GALNT17: variants seen among roughly 807,000 people sequenced by gnomAD.
GALNT17 encodes UDP-GalNAc:polypeptide N-acetylgalactosaminyltransferase-like 3.
Under a neutral mutation model 63.7 loss-of-function variants are expected in GALNT17, and 29 were observed. That is an observed-to-expected ratio of 0.46 (90% CI 0.34 to 0.62). The LOEUF is 0.62. Ranked by LOEUF, GALNT17 falls within the 20% of genes least tolerant of loss-of-function variation. The probability of loss-of-function intolerance (pLI) is 0.01; values close to 1 mark genes in which losing one functional copy is unlikely to be tolerated. For synonymous variants in GALNT17, 305 were observed against 318.3 expected, an observed-to-expected ratio of 0.96 and a Z score of 0.45; for missense variants, 603 against 799.6, an observed-to-expected ratio of 0.75 and a Z score of 2.97.
intron 1 of GALNT17, among the ~76,000 whole-genome samples, chr7:71,148,842 A>G (rs1788074053): frequency 7.3e-6 from 1 of 136,244 alleles, no homozygotes; most frequent in Non-Finnish European, 1.5e-5. Flanking sequence ...GATGAAATAC[A>G]GTAGTATTAT....
intron 1 of GALNT17, among the ~76,000 whole-genome samples, chr7:71,223,195 T>C (rs1789618913): frequency 6.6e-6 from 1 of 152,210 alleles, no homozygotes; most frequent in African/African-American, 2.4e-5. Flanking sequence ...TAATTTTTTT[T>C]CTCTTAAACT....
chr7:71,272,227 A>G (rs1355405644), intron 1 of GALNT17, among the ~76,000 whole-genome samples: 1 of 152,172 alleles, frequency 6.6e-6, no homozygotes, highest in Admixed American at 6.5e-5. Flanking sequence ...TTTCCGAAGT[A>G]TGGATGGACA....
At position 71,286,751 on chromosome 7, in the gene GALNT17, GTT is replaced by G. The variant is rs71089931; in HGVS notation, c.239-48789_239-48788del. ...TATCTCCTAGAGGGGCCTTGTTTTTGTTTTTTTTTTTCTTTTTTTGTTTGTTA... is the reference window on the plus strand; with the variant it reads ...TATCTCCTAGAGGGGCCTTGTTTTTGTTTTTTTTTCTTTTTTTGTTTGTTA... On this transcript the variant is annotated intron_variant, in intron 1 of 10. Transcript: ENST00000333538. 1.7e-3 allele frequency among the ~76,000 whole-genome samples: 250 copies of G among 148,702 alleles called. 1 individual carries two copies. Among genetic ancestry groups the G allele is most frequent in the Non-Finnish European group, 2.6e-3 (176 of 67,092 alleles).
intron 6 of GALNT17, among the ~76,000 whole-genome samples, chr7:71,614,836 A>C (rs1379334678): frequency 6.9e-6 from 1 of 145,684 alleles, no homozygotes; most frequent in African/African-American, 2.5e-5. Flanking sequence ...TGAAAGAAAC[A>C]AAGAGGAGAG....
At chr7:71,232,402 G>A (rs767361122) in intron 1 of GALNT17, among the ~76,000 whole-genome samples, 2 of 152,152 alleles carry the variant, frequency 1.3e-5, no homozygotes, top group Non-Finnish European at 2.9e-5. Flanking sequence ...TACTGCCACT[G>A]ACCATTCCAG....
chr7:71,357,577 T>C (rs943884793), intron 2 of GALNT17, among the ~76,000 whole-genome samples: 2 of 152,210 alleles, frequency 1.3e-5, no homozygotes, highest in Non-Finnish European at 2.9e-5. Flanking sequence ...TTTTTAACTT[T>C]CTTCTCTCCC....
At chr7:71,274,961 G>C (rs945409818) in intron 1 of GALNT17, among the ~76,000 whole-genome samples, 2 of 152,208 alleles carry the variant, frequency 1.3e-5, no homozygotes, top group African/African-American at 4.8e-5. Context: ...GGTCGAAAGG[G>C]GAGCAGACCA....
chr7:71,203,946 TG>T (rs1346332414), intron 1 of GALNT17, among the ~76,000 whole-genome samples: 2 of 152,198 alleles, frequency 1.3e-5, no homozygotes, highest in African/African-American at 4.8e-5. Flanking sequence ...TGTTGATTTT[TG>T]CTTTTGTTGT....
chr7:71,534,528 G>A (rs555822905), intron 5 of GALNT17, among the ~76,000 whole-genome samples: 16 of 150,520 alleles, frequency 1.1e-4, no homozygotes, highest in African/African-American at 3.9e-4. Flanking sequence ...GAACCCAGGA[G>A]GCAGAATTTG....
chr7:71,659,940 C>T (rs6978051), intron 6 of GALNT17, among the ~76,000 whole-genome samples: 87,655 of 152,002 alleles, frequency 0.58, 25,936 homozygotes, highest in East Asian at 0.73. Flanking sequence ...TGGCCACATC[C>T]TCGTGTTACA....
chr7:71,499,592 ATTCCAGGGAAATGCT>A (rs1788148355), intron 5 of GALNT17, among the ~76,000 whole-genome samples: 2 of 152,190 alleles, frequency 1.3e-5, no homozygotes, highest in Non-Finnish European at 2.9e-5. Flanking sequence ...TGCTCCAAAG[ATTCCAGGGAAATGCT>A]TCCTTACACT....
intron 5 of GALNT17, among the ~76,000 whole-genome samples, chr7:71,539,925 T>TGGCACTTCCAAGTAGCC (rs1254761616): frequency 3.3e-5 from 5 of 151,152 alleles, no homozygotes; most frequent in South Asian, 2.1e-4. Context: ...TCCAAGTAGC[T>TGGCACTTCCAAGTAGCC]GGCACTTCCA....
chr7:71,258,010 C>T (rs994981345), intron 1 of GALNT17, among the ~76,000 whole-genome samples: 6 of 152,158 alleles, frequency 3.9e-5, no homozygotes, highest in African/African-American at 1.2e-4. Flanking sequence ...TCCCCTCGGC[C>T]GTATCCATGG....
At chr7:71,200,657 T>C (rs1199291169) in intron 1 of GALNT17, among the ~76,000 whole-genome samples, 1 of 152,246 alleles carries the variant, frequency 6.6e-6, no homozygotes, top group African/African-American at 2.4e-5. Context: ...ATAGTCATTA[T>C]GGATATTCAG....
intron 1 of GALNT17, among the ~76,000 whole-genome samples, chr7:71,286,764 T>C (rs1168946958): frequency 6.7e-6 from 1 of 149,398 alleles, no homozygotes; most frequent in Non-Finnish European, 1.5e-5. Flanking sequence ...TTTTTTTTTC[T>C]TTTTTTGTTT....
At chr7:71,571,198 G>T (rs371876926) in intron 5 of GALNT17, 87 bp from the exon 6 acceptor site, 25 of 1,163,202 alleles carry the variant, frequency 2.1e-5, no homozygotes, top group Admixed American at 1.2e-4. Flanking sequence ...ATGCTAGACC[G>T]GAACCAGTAC....
intron 5 of GALNT17, among the ~76,000 whole-genome samples, chr7:71,533,898 A>C (rs920878808): frequency 1.2e-4 from 18 of 152,174 alleles, no homozygotes; most frequent in African/African-American, 1.7e-4. Context: ...GGAGCTGGTC[A>C]ACAGTCAGCA....
At chr7:71,439,865 G>T (rs192113674) in intron 5 of GALNT17, among the ~76,000 whole-genome samples, 57 of 152,024 alleles carry the variant, frequency 3.7e-4, no homozygotes, top group African/African-American at 1.3e-3. Flanking sequence ...GGTGGAAAGG[G>T]GTAGGCTCCA....
chr7:71,282,660 T>A (rs1036304049), intron 1 of GALNT17, among the ~76,000 whole-genome samples: 14 of 145,910 alleles, frequency 9.6e-5, no homozygotes, highest in African/African-American at 3.2e-4. Flanking sequence ...ACATCCTGAG[T>A]CCTATGGACT....
Sources: gnomAD v4.1 joint callset for allele counts (sites outside exome capture counted in the v4.1 genomes callset) on GRCh38, gnomAD v4.1.1 for gene constraint, MANE v1.5 for transcripts, NCBI Gene and HGNC (gene_info 2026-07-23, HGNC 2026-07-21) for gene names.